Variants in MR1 observed in about 807,000 individuals in gnomAD.
MR1 encodes the protein major histocompatibility complex, class I-related.
Under a neutral mutation model 37.8 loss-of-function variants are expected in MR1, and 44 were observed. That is an observed-to-expected ratio of 1.16 (90% CI 0.91 to 1.50). The LOEUF is 1.50. MR1 is among the 40% of genes most tolerant of loss of function. The probability of loss-of-function intolerance (pLI) is 0.00; values close to 1 mark genes in which losing one functional copy is unlikely to be tolerated. For synonymous variants in MR1, 153 were observed against 155.8 expected, an observed-to-expected ratio of 0.98 and a Z score of 0.13; for missense variants, 386 against 419.1, an observed-to-expected ratio of 0.92 and a Z score of 0.69.
At chr1:181,035,204 G>A (rs779995689) in intron 1 of MR1, among the ~76,000 whole-genome samples, 1 of 151,978 alleles carries the variant, frequency 6.6e-6, no homozygotes, top group Non-Finnish European at 1.5e-5. Flanking sequence ...GCTGTGCACA[G>A]TGCGCACCTG....
Position 181,053,781 on chromosome 1 carries a change from G to C in MR1, c.985+104G>C. ...TCCCTCCTCCATTCAGAAATGGCTT[G>C]GCTCTCAGGCTGGGATCACAGAAGG... is the stretch of plus-strand genomic sequence containing the variant. On this transcript the variant is annotated intron_variant, in intron 5 of 5. Transcript: ENST00000367580. 7 of 825,914 alleles carry C rather than the reference G, an allele frequency of 8.5e-6. No individual in the cohort carries two copies. The South Asian group carries it at 1.1e-4, about 13-fold the overall frequency. 51.2% of individuals were successfully genotyped at this position (825,914 alleles called of 1,614,324 possible).
intron 5 of MR1, among the ~76,000 whole-genome samples, chr1:181,054,471 T>C (rs953719037): frequency 6.6e-6 from 1 of 152,228 alleles, no homozygotes; most frequent in Admixed American, 6.5e-5. Context: ...TTTTCCTTCA[T>C]AGACATAGAC....
chr1:181,055,201 G>T, intron 5 of MR1, 24 bp from the exon 6 acceptor site: 2 of 1,611,890 alleles, frequency 1.2e-6, no homozygotes, highest in Non-Finnish European at 1.7e-6. Context: ...CTTGTAATCT[G>T]ACTAAAAACC....
chr1:181,041,120 T>G (rs557515858), intron 1 of MR1, among the ~76,000 whole-genome samples: 14 of 134,944 alleles, frequency 1.0e-4, no homozygotes, highest in South Asian at 6.9e-4. Flanking sequence ...AATAAATAAA[T>G]AAAGCACAAT....
chr1:181,055,478 T>G lies in MR1; in HGVS notation c.*213T>G, dbSNP rs909097579. The G allele has an allele frequency of 3.5e-6, 2 of 568,342 alleles. No homozygotes were observed. The highest frequency in any genetic ancestry group is 6.2e-6 in the Non-Finnish European group (2 of 321,202). 35.2% of individuals were successfully genotyped at this position (568,342 alleles called of 1,614,324 possible). The stretch of plus-strand genomic sequence containing the variant: ...ACTGTCAGCTTTCAGTCTCTTTTGA[T>G]GGACTGTTTTATCAGAGTTGACTTT... On this transcript the variant is annotated 3_prime_UTR_variant, in exon 6 of 6. Transcript: ENST00000367580.
intron 3 of MR1, among the ~76,000 whole-genome samples, chr1:181,051,628 G>A (rs982015387): frequency 4.6e-5 from 7 of 152,204 alleles, no homozygotes; most frequent in African/African-American, 1.7e-4. Flanking sequence ...TCATGAGGAA[G>A]CAAGGTCACA....
intron 1 of MR1, among the ~76,000 whole-genome samples, chr1:181,045,037 A>G (rs191812465): frequency 2.5e-4 from 38 of 152,304 alleles, no homozygotes; most frequent in African/African-American, 7.0e-4. Context: ...ACAAAGGGCA[A>G]TCTCTCAAGG....
intron 1 of MR1, among the ~76,000 whole-genome samples, chr1:181,048,718 T>C (rs1490848384): frequency 6.6e-6 from 1 of 151,982 alleles, no homozygotes; most frequent in Non-Finnish European, 1.5e-5. Context: ...CAGGGACAGC[T>C]CCCCCTGTAT....
At chr1:181,035,472 C>A (rs951506592) in intron 1 of MR1, among the ~76,000 whole-genome samples, 2 of 151,886 alleles carry the variant, frequency 1.3e-5, no homozygotes, top group African/African-American at 4.8e-5. Flanking sequence ...CAGAAAGTGT[C>A]ATCATTTATG....
chr1:181,059,207 G>A lies in MR1; in HGVS notation c.*3942G>A, dbSNP rs1658787700. 6.6e-6 allele frequency: 1 copy of A among 151,824 alleles called. No individual in the cohort carries two copies. Among genetic ancestry groups the A allele is most frequent in the Non-Finnish European group, 1.5e-5 (1 of 67,994 alleles). The allele number at this position is 151,824 out of a possible 1,614,324, so 9.4% of individuals were successfully genotyped here. The stretch of plus-strand genomic sequence containing the variant: ...ATAGCTTCAGGACATTCAGTACATT[G>A]TGCTTTTTAGAGGTTGATGATTCCA... On this transcript the variant is annotated 3_prime_UTR_variant, in exon 6 of 6. Coordinates refer to ENST00000367580, the MANE Select transcript of MR1 (RefSeq NM_001385161.1).
chr1:181,040,261 G>A (rs1657488270), intron 1 of MR1, among the ~76,000 whole-genome samples: 1 of 152,082 alleles, frequency 6.6e-6, no homozygotes, highest in Admixed American at 6.5e-5. Flanking sequence ...AATTATTAGG[G>A]CGAGAAAAGA....
intron 1 of MR1, among the ~76,000 whole-genome samples, chr1:181,040,272 G>A (rs1033320645): frequency 6.6e-6 from 1 of 152,176 alleles, no homozygotes; most frequent in Non-Finnish European, 1.5e-5. Context: ...CGAGAAAAGA[G>A]AAATGGAAGA....
In MR1 at chr1:181,061,375, C is replaced by T. The variant is rs955850920; in HGVS notation, c.*6110C>T. 26 of 152,208 alleles carry T rather than the reference C, an allele frequency of 1.7e-4. No individual in the cohort carries two copies. Among genetic ancestry groups the T allele is most frequent in the African/African-American group, 6.3e-4 (26 of 41,454 alleles). The allele number at this position is 152,208 out of a possible 1,614,324, so 9.4% of individuals were successfully genotyped here. A position where few individuals can be genotyped will look rare whatever the true frequency, so the allele number is the denominator to read the frequency against. ...CAGAACACAGAGTAGATTTTGGTCC[C>T]GTTTGTTCCCCAGTGGGGTATCTAT... is the stretch of plus-strand genomic sequence containing the variant. On this transcript the variant is annotated 3_prime_UTR_variant, in exon 6 of 6. Coordinates refer to ENST00000367580, the MANE Select transcript of MR1 (RefSeq NM_001385161.1).
intron 1 of MR1, among the ~76,000 whole-genome samples, chr1:181,048,778 A>G (rs1464880652): frequency 1.3e-5 from 2 of 152,172 alleles, no homozygotes; most frequent in East Asian, 3.9e-4. Context: ...GCAGCACTCT[A>G]TATTTTGTCT....
intron 1 of MR1, among the ~76,000 whole-genome samples, chr1:181,048,728 TC>T (rs1658086529): frequency 6.6e-6 from 1 of 152,164 alleles, no homozygotes; most frequent in Non-Finnish European, 1.5e-5. Context: ...TCCCCCTGTA[TC>T]CCCAATGAGT....
intron 1 of MR1, among the ~76,000 whole-genome samples, chr1:181,039,382 C>A (rs1258386773): frequency 6.6e-6 from 1 of 152,212 alleles, no homozygotes; most frequent in African/African-American, 2.4e-5. Context: ...GTGGCTGGAG[C>A]ACTCCATTGG....
At chr1:181,045,308 A>G (rs1186230184) in intron 1 of MR1, among the ~76,000 whole-genome samples, 2 of 152,142 alleles carry the variant, frequency 1.3e-5, no homozygotes. Context: ...GTAGGGGAAG[A>G]AAGCCATTGT....
Position 181,055,278 on chromosome 1 carries a change from C to G in MR1, c.*13C>G. ...ACCAGATCGATGATTGCAGATCCCTCTTTTCCAGTTCTCCTTCCTCTAGGA... is the reference window on the plus strand; with the variant it reads ...ACCAGATCGATGATTGCAGATCCCTGTTTTCCAGTTCTCCTTCCTCTAGGA... On this transcript the variant is annotated 3_prime_UTR_variant, in exon 6 of 6. Coordinates refer to ENST00000367580, the MANE Select transcript of MR1 (RefSeq NM_001385161.1). 2 of 1,609,844 alleles carry G rather than the reference C, an allele frequency of 1.2e-6. No individual in the cohort carries two copies. Among genetic ancestry groups the G allele is most frequent in the African/African-American group, 1.3e-5 (1 of 74,904 alleles).
chr1:181,045,963 T>C (rs1657835074), intron 1 of MR1, among the ~76,000 whole-genome samples: 1 of 152,206 alleles, frequency 6.6e-6, no homozygotes. Flanking sequence ...ATGAGGGGCT[T>C]AGCACCCGGG....
Sources: allele counts gnomAD v4.1 joint callset (sites outside exome capture counted in the v4.1 genomes callset), GRCh38; gene constraint gnomAD v4.1.1; transcripts MANE v1.5; gene names NCBI Gene and HGNC (gene_info 2026-07-23, HGNC 2026-07-21).